SPOCD1: variants seen among roughly 807,000 people sequenced by gnomAD.
SPOCD1 encodes SPOC domain-containing protein 1.
SPOCD1 carries 64 observed loss-of-function variants against 92.2 expected under a neutral mutation model. The ratio of observed to expected loss-of-function variants is 0.69; its 90% CI spans 0.57 to 0.86. The LOEUF (loss-of-function observed/expected upper bound fraction) is 0.86. Among genes scored for constraint, SPOCD1 ranks in the 40% least tolerant of loss-of-function variants. The pLI is 0.00. For missense variants in SPOCD1, 1,360 were observed against 1,543.1 expected (o/e 0.88, Z 1.99); for synonymous variants, 578 against 619.3 (o/e 0.93, Z 0.99).
At chr1:31,802,837 G>A (rs1648554869) in intron 2 of SPOCD1, among the ~76,000 whole-genome samples, 1 of 152,074 alleles carries the variant, frequency 6.6e-6, no homozygotes, top group South Asian at 2.1e-4. Context: ...GTATTTGCTG[G>A]AATACACATA....
intron 11 of SPOCD1, 93 bp from the exon 12 acceptor site, chr1:31,793,990 T>C: frequency 6.5e-7 from 1 of 1,534,616 alleles, no homozygotes; most frequent in Non-Finnish European, 8.8e-7. Flanking sequence ...CAGGTTCTTT[T>C]CTAGGTGACC....
chr1:31,798,729 G>A lies in SPOCD1; in HGVS notation c.1869-128C>T, dbSNP rs1648213052. The A allele has an allele frequency of 2.1e-6, 2 of 972,116 alleles. No individual in the cohort carries two copies. The highest frequency in any genetic ancestry group is 3.0e-6 in the Non-Finnish European group (2 of 664,360). 60.2% of individuals were successfully genotyped at this position (972,116 alleles called of 1,614,324 possible). ...TTGTTCCTGTCGTGGGTGTTTCCCT[G>A]CAGGAACCTACTTATTCTCACCCCA... On this transcript the variant is annotated intron_variant, in intron 7 of 15. Coordinates refer to ENST00000360482, the MANE Select transcript of SPOCD1 (RefSeq NM_144569.7). The surrounding 1 kb of genome is among the most constrained non-coding windows in gnomAD (Gnocchi z 4.1).
At chr1:31,809,828 C>T (rs1649085687) in intron 2 of SPOCD1, among the ~76,000 whole-genome samples, 1 of 152,130 alleles carries the variant, frequency 6.6e-6, no homozygotes, top group Admixed American at 6.5e-5. Context: ...TTGGTCCCTG[C>T]CCTGGAGAAA....
chr1:31,800,686 T>C (rs756151137), intron 3 of SPOCD1, 69 bp from the exon 4 acceptor site: 85 of 1,343,472 alleles, frequency 6.3e-5, no homozygotes, highest in Non-Finnish European at 8.2e-5. Context: ...AGTGCTCGCC[T>C]CATCTGTAAT....
chr1:31,793,004 G>A (rs1031524825), intron 13 of SPOCD1, among the ~76,000 whole-genome samples: 5 of 152,264 alleles, frequency 3.3e-5, no homozygotes, highest in Admixed American at 1.3e-4. Context: ...GCTCTCATCC[G>A]ACACTTTAGC....
chr1:31,807,640 A>C (rs1012901955), intron 2 of SPOCD1, among the ~76,000 whole-genome samples: 1 of 151,856 alleles, frequency 6.6e-6, no homozygotes, highest in Non-Finnish European at 1.5e-5. Context: ...AATTTTTAAG[A>C]CTTTATAAAT....
At position 31,815,059 on chromosome 1, in the gene SPOCD1, C is replaced by G. The variant is rs111297670; in HGVS notation, c.275G>C (p.Arg92Pro). ...VLELLAVVQS[R>P]GSMLAPGLHM... is the part of the protein sequence containing the mutation. ...GAGCCCAGGAGCCAGCATCGAGCCC[C>G]GGCTCTGTACCACAGCTAGCAGCTC... The change falls in exon 2 of 16, where the codon CGG becomes CCG. Residue 92 changes from arginine (R) to proline (P), a missense_variant. By Grantham distance (103) the Arg-to-Pro change is moderately radical. Coordinates refer to ENST00000360482, the MANE Select transcript of SPOCD1 (RefSeq NM_144569.7). The G allele has an allele frequency of 2.5e-6, 4 of 1,613,724 alleles. No individual in the cohort carries two copies. The highest frequency in any genetic ancestry group is 3.4e-6 in the Non-Finnish European group (4 of 1,180,030).
intron 6 of SPOCD1, among the ~76,000 whole-genome samples, 157 bp downstream of exon 6, chr1:31,799,652 C>G (rs115855153): frequency 0.019 from 2,911 of 152,254 alleles, 94 homozygotes; most frequent in African/African-American, 0.066. Context: ...CAGTGGCCCC[C>G]ACCCCTTCCC....
In SPOCD1 at chr1:31,790,601, G is replaced by A. The variant is rs1284417260; in HGVS notation, c.*2C>T. 6.4e-7 allele frequency: 1 copy of A among 1,551,314 alleles called. No homozygotes were observed. Among genetic ancestry groups the A allele is most frequent in the Non-Finnish European group, 8.7e-7 (1 of 1,146,742 alleles). On this transcript the variant is annotated 3_prime_UTR_variant, in exon 16 of 16. Coordinates refer to ENST00000360482, the MANE Select transcript of SPOCD1 (RefSeq NM_144569.7). ...AACCCCTGTTCTGGTGGGTAAGGAGGGTCAGGCCTTTCTAGGGAAGGGACA... is the reference window on the plus strand; with the variant it reads ...AACCCCTGTTCTGGTGGGTAAGGAGAGTCAGGCCTTTCTAGGGAAGGGACA...
rs1258060111 is a variant in SPOCD1 at position 31,814,957 on chromosome 1, A to G, written c.377T>C (p.Ile126Thr). 3 of 1,613,750 alleles carry G rather than the reference A, an allele frequency of 1.9e-6. No individual in the cohort carries two copies. Among genetic ancestry groups the G allele is most frequent in the South Asian group, 1.1e-5 (1 of 91,078 alleles). The change falls in exon 2 of 16, where the codon ATC becomes ACC. Residue 126 changes from isoleucine to threonine, a missense_variant. Ile to Thr is a moderately conservative substitution (Grantham distance 89). Around this residue, in one of 3 missense-constraint regions of SPOCD1, gnomAD observed 140 missense variants for 183.8 expected, o/e 0.76. Coordinates refer to ENST00000360482, the MANE Select transcript of SPOCD1 (RefSeq NM_144569.7). The surrounding 1 kb of genome is among the most constrained non-coding windows in gnomAD (Gnocchi z 4.2). ...SKRLQVSLCDILDDSCPRKLC... is the reference protein window; with the variant it reads ...SKRLQVSLCDTLDDSCPRKLC... ...TTTCCTGGGGCAACTGTCATCTAAG[A>G]TGTCACACAGAGAAACCTGGAGCCT...
intron 2 of SPOCD1, among the ~76,000 whole-genome samples, chr1:31,805,437 CA>C (rs1347841080): frequency 1.3e-5 from 2 of 152,110 alleles, no homozygotes; most frequent in Non-Finnish European, 2.9e-5. Flanking sequence ...ACGCAAAGCA[CA>C]AAACAGGCCG....
rs769899498 is a variant in SPOCD1 at position 31,791,062 on chromosome 1, G to T, written c.3192C>A (p.Pro1064=). The part of the protein sequence containing the change: ...RPNVPLKGTP[P]PGGAWQQSQG... ...GGCTCTGCTGCCAGGCACCTCCTGG[G>T]GGAGGGGTGCCCTTCAGGGGCACAT... is the stretch of plus-strand genomic sequence containing the variant. The change falls in exon 16 of 16, where the codon CCC becomes CCA. Residue 1064 remains proline (P), a synonymous_variant. Transcript: ENST00000360482. The T allele has an allele frequency of 4.3e-6, 7 of 1,612,892 alleles. No individual in the cohort carries two copies. The East Asian group carries it at 1.6e-4, about 36-fold the overall frequency.
Position 31,796,733 on chromosome 1 carries a change from G to A in SPOCD1, c.2146-18C>T, listed in dbSNP as rs1265741937. 6.2e-7 allele frequency: 1 copy of A among 1,613,932 alleles called. No homozygotes were observed. The highest frequency in any genetic ancestry group is 1.7e-5 in the Admixed American group (1 of 60,006). ...TTCAGGCCCTGAAGAGGTGGAGCAG[G>A]CCAAGCTGAGCCCAGTTAGGGGGCC... On this transcript the variant is annotated intron_variant, in intron 9 of 15. Coordinates refer to ENST00000360482, the MANE Select transcript of SPOCD1 (RefSeq NM_144569.7).
At chr1:31,792,506 T>G in intron 14 of SPOCD1, 105 bp from the exon 15 acceptor site, 1 of 1,318,978 alleles carries the variant, frequency 7.6e-7, no homozygotes, top group African/African-American at 1.5e-5. Context: ...AAAGTATGTC[T>G]CCATCTTCCA....
chr1:31,791,189 T>A lies in SPOCD1; in HGVS notation c.3065A>T (p.Asp1022Val). The change falls in exon 16 of 16, where the codon GAC (aspartate) becomes GTC (valine). Residue 1022 changes from aspartate to valine, a missense_variant. Transcript: ENST00000360482. The part of the protein sequence containing the change: ...AVLLPKEGLP[D>V]TAGSSPWLGK... ...CAACCAGGGGCTGGACCCTGCTGTG[T>A]CTGGAAGCCCTTCCTTGGGGAGCAG... The A allele has an allele frequency of 6.2e-7, 1 of 1,611,330 alleles. No homozygotes were observed. The highest frequency in any genetic ancestry group is 1.1e-5 in the South Asian group (1 of 90,754).
chr1:31,814,116 G>A lies in SPOCD1; in HGVS notation c.1218C>T (p.Ser406=). 5 of 1,609,302 alleles carry A rather than the reference G, an allele frequency of 3.1e-6. No homozygotes were observed. The highest frequency in any genetic ancestry group is 4.2e-6 in the Non-Finnish European group (5 of 1,176,934). Residue 406 remains serine, a synonymous_variant, in exon 2 of 16, where the codon AGC becomes AGT. Coordinates refer to ENST00000360482, the MANE Select transcript of SPOCD1 (RefSeq NM_144569.7). The surrounding 1 kb of genome is among the most constrained non-coding windows in gnomAD (Gnocchi z 4.2). Reference sequence around the variant, plus strand: ...CCATGAATGGGCCTGAGCAGGCCCTGCTGGCTTCAGTATCCAGGGAGGAGC... The same window carrying A: ...CCATGAATGGGCCTGAGCAGGCCCTACTGGCTTCAGTATCCAGGGAGGAGC... ...GLSSSLDTEA[S]RACSGPFMEQ... is the part of the protein sequence containing the mutation.
At position 31,814,920 on chromosome 1, in the gene SPOCD1, C is replaced by T; in HGVS notation, c.414G>A (p.Arg138=). ...DDSCPRKLCS[R]SAGLPERALA... ...GAGCTCTCTCTGGGAGGCCAGCAGA[C>T]CTGCTACAAAGTTTCCTGGGGCAAC... Residue 138 remains arginine (R), a synonymous_variant, in exon 2 of 16, where the codon AGG becomes AGA. Transcript: ENST00000360482. This position sits in a 1 kb window ranked among gnomAD's most constrained non-coding sequence, Gnocchi z 4.2. 1 of 1,613,898 alleles carries T rather than the reference C, an allele frequency of 6.2e-7. No homozygotes were observed. Among genetic ancestry groups the T allele is most frequent in the East Asian group, 2.2e-5 (1 of 44,886 alleles).
At chr1:31,796,472 A>G (rs1046574634) in intron 10 of SPOCD1, 118 bp downstream of exon 10, 2 of 1,514,760 alleles carry the variant, frequency 1.3e-6, no homozygotes, top group South Asian at 2.3e-5. Flanking sequence ...TTTTATCACA[A>G]ACAAGGTGGG....
chr1:31,813,947 T>C lies in SPOCD1; in HGVS notation c.1383+4A>G. The C allele has an allele frequency of 6.6e-7, 1 of 1,508,904 alleles. No individual in the cohort carries two copies. The allele number at this position is 1,508,904 out of a possible 1,614,324, so 93.5% of individuals were successfully genotyped here. On this transcript the variant is annotated splice_donor_region_variant and intron_variant, in intron 2 of 15. Transcript: ENST00000360482. ...CCTATCCCAAACTCTCAGACTCAGC[T>C]CACCAGTCTGGGGCAGCCTCCTGGG...
Sources: allele counts gnomAD v4.1 joint callset (sites outside exome capture counted in the v4.1 genomes callset), GRCh38; gene constraint gnomAD v4.1.1; regional missense constraint gnomAD v4.1.1; non-coding constraint Gnocchi (gnomAD v3.1); transcripts MANE v1.5; gene names NCBI Gene and HGNC (gene_info 2026-07-23, HGNC 2026-07-21).